PHLPP1: variants seen among roughly 807,000 people sequenced by gnomAD.
PHLPP1 encodes PH domain leucine-rich repeat-containing protein phosphatase 1.
PHLPP1 carries 42 observed loss-of-function variants against 117.2 expected under a neutral mutation model. The observed-to-expected ratio is 0.36, with a 90% CI of 0.28 to 0.46. The LOEUF is 0.46. Among genes scored for constraint, PHLPP1 ranks in the 20% least tolerant of loss-of-function variants. PHLPP1 has a pLI of 1.00. For missense variants in PHLPP1, 2,084 were observed against 2,241.9 expected (o/e 0.93, Z 1.42); for synonymous variants, 1,042 against 970.7 (o/e 1.07, Z -1.37).
rs752645315 is a variant in PHLPP1 at position 62,723,678 on chromosome 18, TG to T, written c.1576+6424del. ...AAGAGCTTGGCTGGTGTGTTGGGGGTGGGGGTTGGGTCAAAGTCACTCTCCT... is the reference window on the plus strand; with the variant it reads ...AAGAGCTTGGCTGGTGTGTTGGGGGTGGGGTTGGGTCAAAGTCACTCTCCT... On this transcript the variant is annotated intron_variant, in intron 1 of 16. Coordinates refer to ENST00000262719, the MANE Select transcript of PHLPP1 (RefSeq NM_194449.4). Among the ~76,000 whole-genome samples the T allele has an allele frequency of 1.8e-3, 267 of 152,006 alleles. 2 individuals are homozygous for T. The highest frequency in any genetic ancestry group is 4.1e-3 in the Admixed American group (62 of 15,262).
In PHLPP1 at chr18:62,978,590, G is replaced by C; in HGVS notation, c.4313G>C (p.Gly1438Ala). 1.2e-6 allele frequency: 2 copies of C among 1,613,684 alleles called. No individual in the cohort carries two copies. Among genetic ancestry groups the C allele is most frequent in the East Asian group, 2.2e-5 (1 of 44,876 alleles). ...SFCCCELSAG[G>A]AVPPPSPGIF... is the part of the protein sequence containing the mutation. ...TGCTGCTGCGAGCTCAGCGCCGGTGGGGCTGTGCCACCACCCAGTCCTGGC... is the reference window on the plus strand; with the variant it reads ...TGCTGCTGCGAGCTCAGCGCCGGTGCGGCTGTGCCACCACCCAGTCCTGGC... The change falls in exon 17 of 17, where the codon GGG (glycine) becomes GCG (alanine). Residue 1438 changes from glycine (G) to alanine (A), a missense_variant. Transcript: ENST00000262719. This position sits in a 1 kb window ranked among gnomAD's most constrained non-coding sequence, Gnocchi z 7.0.
chr18:62,717,830 T>C (rs1187798511), intron 1 of PHLPP1, among the ~76,000 whole-genome samples: 1 of 126,144 alleles, frequency 7.9e-6, no homozygotes, highest in Non-Finnish European at 1.9e-5. Flanking sequence ...GGTGCCTTTT[T>C]AACTGATACT....
chr18:62,783,488 A>G (rs1009654558), intron 1 of PHLPP1, among the ~76,000 whole-genome samples: 2 of 151,998 alleles, frequency 1.3e-5, no homozygotes, highest in African/African-American at 2.4e-5. Flanking sequence ...TTGGCCTCCC[A>G]AAGTGCTGGG....
At chr18:62,769,465 T>C (rs1912677801) in intron 1 of PHLPP1, among the ~76,000 whole-genome samples, 1 of 152,210 alleles carries the variant, frequency 6.6e-6, no homozygotes, top group Non-Finnish European at 1.5e-5. Flanking sequence ...AAACAAACTC[T>C]TGTGTAATCA....
intron 1 of PHLPP1, among the ~76,000 whole-genome samples, chr18:62,725,187 T>C (rs542887780): frequency 6.6e-6 from 1 of 151,900 alleles, no homozygotes; most frequent in African/African-American, 2.4e-5. Flanking sequence ...GGTGAAACCC[T>C]GTCTCTACTA....
rs73465064 is a variant in PHLPP1 at position 62,758,159 on chromosome 18, A to T, written c.1576+40900A>T. Among the ~76,000 whole-genome samples the T allele has an allele frequency of 5.0e-3, 755 of 152,326 alleles. 11 individuals carry two copies. The highest frequency in any genetic ancestry group is 0.017 in the African/African-American group (724 of 41,580). On this transcript the variant is annotated intron_variant, in intron 1 of 16. Coordinates refer to ENST00000262719, the MANE Select transcript of PHLPP1 (RefSeq NM_194449.4). ...GCAGAGAGTAGAAATCTTTTTCCCT[A>T]TTCTAAGAAAAGTTGTTGCACTTTG...
chr18:62,801,296 G>C (rs1394402102), intron 1 of PHLPP1, among the ~76,000 whole-genome samples: 1 of 151,362 alleles, frequency 6.6e-6, no homozygotes, highest in Non-Finnish European at 1.5e-5. Flanking sequence ...GCTTGCCTTG[G>C]CCTCCCAAAG....
chr18:62,797,521 C>T (rs958177967), intron 1 of PHLPP1, among the ~76,000 whole-genome samples: 8 of 152,148 alleles, frequency 5.3e-5, no homozygotes, highest in East Asian at 1.9e-4. Context: ...GCTAGGGAAT[C>T]GGGGTTGCAC....
chr18:62,752,189 C>G (rs1372661220), intron 1 of PHLPP1, among the ~76,000 whole-genome samples: 1 of 152,182 alleles, frequency 6.6e-6, no homozygotes, highest in East Asian at 1.9e-4. Flanking sequence ...GCAGTCTTCT[C>G]GCTTTAGCCT....
intron 4 of PHLPP1, among the ~76,000 whole-genome samples, chr18:62,888,698 A>G (rs1425126276): frequency 6.6e-6 from 1 of 152,214 alleles, no homozygotes; most frequent in African/African-American, 2.4e-5. Context: ...CCCTGTCTCA[A>G]AATAATGAAT....
intron 3 of PHLPP1, among the ~76,000 whole-genome samples, chr18:62,856,406 A>G (rs913776795): frequency 3.3e-5 from 5 of 152,074 alleles, no homozygotes; most frequent in Admixed American, 1.3e-4. Context: ...AGTGTTCTCA[A>G]GTCCCTCGGA....
rs1356407438 is a variant in PHLPP1 at position 62,951,206 on chromosome 18, C to T, written c.3324+5935C>T. Among the ~76,000 whole-genome samples the T allele has an allele frequency of 3.3e-5, 5 of 152,116 alleles. 1 individual carries two copies. The highest frequency in any genetic ancestry group is 9.7e-5 in the African/African-American group (4 of 41,406). ...CTGTGTTAGCCAGGATGGTCTCAAC[C>T]TCCTGACCTCGTGATCCGCCCGCCT... On this transcript the variant is annotated intron_variant, in intron 12 of 16. Coordinates refer to ENST00000262719, the MANE Select transcript of PHLPP1 (RefSeq NM_194449.4).
intron 14 of PHLPP1, among the ~76,000 whole-genome samples, chr18:62,972,206 A>G (rs555936501): frequency 2.0e-5 from 3 of 150,968 alleles, no homozygotes; most frequent in South Asian, 2.1e-4. Context: ...ATGTGTAGAT[A>G]TGGATTCATA....
chr18:62,848,594 A>G (rs558171395), intron 3 of PHLPP1, among the ~76,000 whole-genome samples: 138 of 151,294 alleles, frequency 9.1e-4, no homozygotes, highest in Non-Finnish European at 1.7e-3. Context: ...CTCCCGAGTA[A>G]CTGGGACCAC....
intron 1 of PHLPP1, among the ~76,000 whole-genome samples, chr18:62,743,532 T>C (rs894579388): frequency 1.3e-5 from 2 of 152,168 alleles, no homozygotes; most frequent in African/African-American, 4.8e-5. Context: ...CATACAGAAA[T>C]ACTCCTTTGG....
chr18:62,950,720 C>T (rs1052208283), intron 12 of PHLPP1, among the ~76,000 whole-genome samples: 1 of 152,164 alleles, frequency 6.6e-6, no homozygotes, highest in Non-Finnish European at 1.5e-5. Context: ...AAACCAGGAG[C>T]AGTCATTATT....
intron 2 of PHLPP1, among the ~76,000 whole-genome samples, chr18:62,834,480 A>T (rs1209733614): frequency 6.6e-6 from 1 of 152,162 alleles, no homozygotes; most frequent in African/African-American, 2.4e-5. Context: ...TTCAATCCAC[A>T]ATTCCTATAA....
chr18:62,716,449 G>A lies in PHLPP1; in HGVS notation c.766G>A (p.Ala256Thr). ...KVLGQGPGAA[A>T]AREPAEPPPE... ...GCTGGGCCAGGGGCCCGGAGCCGCC[G>A]CCGCCCGGGAGCCCGCTGAACCGCC... is the stretch of plus-strand genomic sequence containing the variant. Residue 256 changes from alanine (A) to threonine (T), a missense_variant, in exon 1 of 17, where the codon GCC (alanine) becomes ACC (threonine). By Grantham distance (58) the Ala-to-Thr change is moderately conservative. Transcript: ENST00000262719. This position sits in a 1 kb window ranked among gnomAD's most constrained non-coding sequence, Gnocchi z 5.7. 3 of 1,306,294 alleles carry A rather than the reference G, an allele frequency of 2.3e-6. No homozygotes were observed. The highest frequency in any genetic ancestry group is 2.9e-6 in the Non-Finnish European group (3 of 1,031,040). The allele number at this position is 1,306,294 out of a possible 1,614,324, so 80.9% of individuals were successfully genotyped here.
At chr18:62,822,273 T>C (rs888161770) in intron 1 of PHLPP1, among the ~76,000 whole-genome samples, 1 of 144,216 alleles carries the variant, frequency 6.9e-6, no homozygotes, top group African/African-American at 2.5e-5. Context: ...GTGTTTTTTT[T>C]TTTTTTGTTT....
Sources: allele counts gnomAD v4.1 joint callset (sites outside exome capture counted in the v4.1 genomes callset), GRCh38; gene constraint gnomAD v4.1.1; non-coding constraint Gnocchi (gnomAD v3.1); transcripts MANE v1.5; gene names NCBI Gene and HGNC (gene_info 2026-07-23, HGNC 2026-07-21).